AGK: variants seen among roughly 807,000 people sequenced by gnomAD.
AGK encodes the protein acylglycerol kinase.
AGK carries 52 observed loss-of-function variants against 66.4 expected under a neutral mutation model. That is an observed-to-expected ratio of 0.78 (90% CI 0.63 to 0.99). The LOEUF (loss-of-function observed/expected upper bound fraction) is 0.99. Ranked by LOEUF, AGK falls within the 50% of genes least tolerant of loss-of-function variation. The pLI is 0.00. For synonymous variants in AGK, 182 were observed against 181.1 expected (o/e 1.00, Z -0.04); for missense variants, 451 against 506.6 (o/e 0.89, Z 1.05).
At chr7:141,644,692 A>C (rs1797368503) in intron 13 of AGK, among the ~76,000 whole-genome samples, 1 of 152,190 alleles carries the variant, frequency 6.6e-6, no homozygotes, top group Non-Finnish European at 1.5e-5. Context: ...TGGGAAAAAT[A>C]GGTGAAAAGA....
At chr7:141,578,181 C>T (rs181760402) in intron 2 of AGK, among the ~76,000 whole-genome samples, 136 of 151,082 alleles carry the variant, frequency 9.0e-4, no homozygotes, top group African/African-American at 3.0e-3. Flanking sequence ...AGAGAGTCAG[C>T]GAAGGGAGAT....
chr7:141,610,919 G>C (rs890615479), intron 5 of AGK, among the ~76,000 whole-genome samples: 2 of 152,196 alleles, frequency 1.3e-5, no homozygotes, highest in African/African-American at 4.8e-5. Flanking sequence ...CCCTTGACTA[G>C]CTAGCTGTGT....
intron 10 of AGK, among the ~76,000 whole-genome samples, chr7:141,634,229 C>A (rs921048699): frequency 2.0e-5 from 3 of 152,148 alleles, no homozygotes. Context: ...GGGTATGTCT[C>A]TATTTTTAGA....
At chr7:141,648,320 G>T (rs1052322544) in intron 13 of AGK, among the ~76,000 whole-genome samples, 3 of 152,198 alleles carry the variant, frequency 2.0e-5, no homozygotes, top group African/African-American at 7.2e-5. Context: ...TTTGTAGGCA[G>T]AAAGTCATGT....
intron 7 of AGK, 79 bp downstream of exon 7, chr7:141,614,257 T>C: frequency 8.8e-7 from 1 of 1,130,674 alleles, no homozygotes. Flanking sequence ...TTACTTTTTT[T>C]TTCCATTGTA....
intron 2 of AGK, among the ~76,000 whole-genome samples, chr7:141,560,491 G>A (rs1008029156): frequency 2.6e-5 from 4 of 151,460 alleles, no homozygotes; most frequent in Non-Finnish European, 5.9e-5. Context: ...AGTTTTTGGG[G>A]AACAGGTGGT....
chr7:141,600,192 A>T (rs1796312555), intron 4 of AGK, among the ~76,000 whole-genome samples: 1 of 152,192 alleles, frequency 6.6e-6, no homozygotes, highest in South Asian at 2.1e-4. Flanking sequence ...TAGGTGTTTG[A>T]CATTGATTGA....
chr7:141,622,262 A>C (rs1187740808), intron 9 of AGK, among the ~76,000 whole-genome samples: 3 of 152,012 alleles, frequency 2.0e-5, no homozygotes, highest in Middle Eastern at 3.2e-3. Context: ...GGCTAATTTT[A>C]ACTACTTTTT....
intron 9 of AGK, 139 bp downstream of exon 9, chr7:141,621,940 C>T: frequency 1.6e-6 from 1 of 614,458 alleles, no homozygotes; most frequent in Non-Finnish European, 2.9e-6. Flanking sequence ...AAGTATTAGT[C>T]CCCAGAGGAA....
chr7:141,566,283 GTTGT>G (rs1235415818), intron 2 of AGK, among the ~76,000 whole-genome samples: 2 of 152,126 alleles, frequency 1.3e-5, no homozygotes, highest in Non-Finnish European at 2.9e-5. Context: ...GTGATTTTCT[GTTGT>G]TTGTTTCTTC....
intron 15 of AGK, 142 bp from the exon 16 acceptor site, chr7:141,652,645 T>G (rs904757702): frequency 3.6e-6 from 3 of 827,988 alleles, no homozygotes; most frequent in Non-Finnish European, 5.6e-6. Context: ...CTGAATTTTT[T>G]TTTGTAAAAG....
rs557375135 is a variant in AGK, at chr7:141,650,453, T to G, written c.1047-1072T>G. On this transcript the variant is annotated intron_variant, in intron 14 of 15. Coordinates refer to ENST00000649286, the MANE Select transcript of AGK (RefSeq NM_018238.4). ...CATTGTTAGCACCAGTGGCAGCCAG[T>G]GTCCTTCTGTTCTCTACAGGAAGTG... The G allele has an allele frequency of 3.1e-6, 3 of 961,014 alleles. No individual in the cohort carries two copies. The South Asian group carries it at 1.4e-4, about 46-fold the overall frequency. 59.5% of individuals were successfully genotyped at this position (961,014 alleles called of 1,614,324 possible). A position where few individuals can be genotyped will look rare whatever the true frequency, so the allele number is the denominator to read the frequency against.
rs566563726 is a variant in AGK at position 141,641,886 on chromosome 7, G to A, written c.953G>A (p.Arg318Gln). The A allele has an allele frequency of 2.2e-5, 35 of 1,581,246 alleles. No homozygotes were observed. Among genetic ancestry groups the A allele is most frequent in the Admixed American group, 3.6e-5 (2 of 54,806 alleles). The change falls in exon 13 of 16, where the codon CGG becomes CAG. Residue 318 changes from arginine (R) to glutamine (Q), a missense_variant. Coordinates refer to ENST00000649286, the MANE Select transcript of AGK (RefSeq NM_018238.4). ...ACCATTGAACTGTCCATCACAACACGGAATAATCAGCTTGACCCGACAGTA... is the reference window on the plus strand; with the variant it reads ...ACCATTGAACTGTCCATCACAACACAGAATAATCAGCTTGACCCGACAGTA... ...LSTIELSITT[R>Q]NNQLDPTSKE...
intron 1 of AGK, among the ~76,000 whole-genome samples, chr7:141,552,474 A>G (rs1359067039): frequency 6.6e-6 from 1 of 152,202 alleles, no homozygotes; most frequent in East Asian, 1.9e-4. Context: ...AGTGAAGATG[A>G]CAGCTTAATT....
chr7:141,636,747 C>T (rs1430176845), intron 10 of AGK, among the ~76,000 whole-genome samples: 7 of 152,094 alleles, frequency 4.6e-5, no homozygotes, highest in Non-Finnish European at 7.4e-5. Context: ...ATCTTTACTG[C>T]GTAACTAATT....
At chr7:141,554,163 G>C (rs1795158728) in intron 1 of AGK, among the ~76,000 whole-genome samples, 1 of 151,844 alleles carries the variant, frequency 6.6e-6, no homozygotes, top group Admixed American at 6.6e-5. Context: ...AACATAGTGA[G>C]ACCTTGTCTC....
At chr7:141,570,892 T>C (rs978875318) in intron 2 of AGK, among the ~76,000 whole-genome samples, 16 of 152,210 alleles carry the variant, frequency 1.1e-4, no homozygotes, top group Admixed American at 2.6e-4. Flanking sequence ...GTCTCTTAAG[T>C]CTCTTAAAGT....
intron 5 of AGK, among the ~76,000 whole-genome samples, chr7:141,602,361 G>A (rs1348804748): frequency 2.0e-5 from 3 of 151,990 alleles, no homozygotes; most frequent in African/African-American, 4.8e-5. Context: ...AATTTTTAAT[G>A]TACATTAAAT....
At chr7:141,643,746 G>A (rs12374799) in intron 13 of AGK, among the ~76,000 whole-genome samples, 4,643 of 152,126 alleles carry the variant, frequency 0.031, 111 homozygotes, top group South Asian at 0.14. Context: ...AATCCTTATA[G>A]GTAGATATCT....
Sources: gnomAD v4.1 joint callset for allele counts (sites outside exome capture counted in the v4.1 genomes callset) on GRCh38, gnomAD v4.1.1 for gene constraint, MANE v1.5 for transcripts, NCBI Gene and HGNC (gene_info 2026-07-23, HGNC 2026-07-21) for gene names.